The following MREG variants were observed in gnomAD, a reference collection of about 807,000 sequenced individuals.
MREG encodes melanoregulin.
In MREG, 31 loss-of-function variants were observed where a neutral mutation model predicts 28.5. That is an observed-to-expected ratio of 1.09 (90% CI 0.82 to 1.47). The LOEUF is 1.47. Among genes scored for constraint, MREG ranks in the 40% most tolerant of loss-of-function variants. The pLI is 0.00. For missense variants in MREG, 256 were observed against 257.4 expected, an observed-to-expected ratio of 0.99 and a Z score of 0.04; for synonymous variants, 106 against 95.2, an observed-to-expected ratio of 1.11 and a Z score of -0.66.
intron 1 of MREG, among the ~76,000 whole-genome samples, chr2:216,012,071 C>T (rs189213733): frequency 1.3e-3 from 199 of 152,166 alleles, no homozygotes; most frequent in Non-Finnish European, 2.4e-3. Flanking sequence ...TACCAAACAG[C>T]GAGGAGTAGA....
chr2:215,959,015 C>T (rs574243478), intron 2 of MREG, among the ~76,000 whole-genome samples: 11 of 152,242 alleles, frequency 7.2e-5, no homozygotes, highest in Non-Finnish European at 1.3e-4. Flanking sequence ...CTCTGGGATT[C>T]AGGATCTGCT....
At chr2:215,952,263 A>G (rs1006388183) in intron 2 of MREG, among the ~76,000 whole-genome samples, 1 of 152,204 alleles carries the variant, frequency 6.6e-6, no homozygotes, top group Non-Finnish European at 1.5e-5. Context: ...TAGTGTATAT[A>G]TGGTGACTAT....
At chr2:215,954,820 C>T (rs182273835) in intron 2 of MREG, among the ~76,000 whole-genome samples, 1 of 152,206 alleles carries the variant, frequency 6.6e-6, no homozygotes, top group Non-Finnish European at 1.5e-5. Flanking sequence ...TCTCCTGCCT[C>T]AGCCTCCTGA....
upstream of MREG, among the ~76,000 whole-genome samples, chr2:216,033,222 C>A (rs1219014514): frequency 6.6e-6 from 1 of 152,080 alleles, no homozygotes; most frequent in Non-Finnish European, 1.5e-5. Context: ...TTCACCAACC[C>A]CCCTTCCTCC....
rs541960204 is a variant in MREG at position 216,027,850 on chromosome 2, C to T, written c.-68+4939G>A. Among the ~76,000 whole-genome samples the T allele has an allele frequency of 1.2e-3, 184 of 148,384 alleles. 1 individual carries two copies. Among genetic ancestry groups the T allele is most frequent in the African/African-American group, 4.4e-3 (172 of 39,366 alleles). On this transcript the variant is annotated intron_variant, in intron 1 of 3. Transcript: ENST00000420348. ...TCCCCCACCCTCTGTGATAAAAAGT[C>T]ATTCACAAGTTGCATTGTTTTTCTG... is the stretch of plus-strand genomic sequence containing the variant.
intron 2 of MREG, among the ~76,000 whole-genome samples, chr2:215,954,053 G>C (rs2105972955): frequency 6.6e-6 from 1 of 152,268 alleles, no homozygotes; most frequent in East Asian, 1.9e-4. Context: ...CTTGTCTGTA[G>C]CCAGGGCTTA....
At chr2:216,008,932 G>T (rs1451694580) in intron 1 of MREG, among the ~76,000 whole-genome samples, 1 of 152,178 alleles carries the variant, frequency 6.6e-6, no homozygotes, top group African/African-American at 2.4e-5. Context: ...CAAGCGGCGT[G>T]ACTCAAACTA....
intron 1 of MREG, among the ~76,000 whole-genome samples, chr2:216,007,578 T>A (rs1694192999): frequency 6.6e-6 from 1 of 151,998 alleles, no homozygotes; most frequent in Non-Finnish European, 1.5e-5. Flanking sequence ...TACAGGCATG[T>A]GCCACCACGC....
intron 1 of MREG, among the ~76,000 whole-genome samples, chr2:215,996,982 T>C: frequency 6.6e-6 from 1 of 152,156 alleles, no homozygotes; most frequent in East Asian, 1.9e-4. Flanking sequence ...GGTTTTGCCA[T>C]GTTGGTCAGG....
chr2:215,996,167 T>C (rs538567140), intron 2 of MREG, 139 bp downstream of exon 2: 1 of 863,566 alleles, frequency 1.2e-6, no homozygotes, highest in Non-Finnish European at 1.7e-6. Flanking sequence ...TGATAATATA[T>C]GCTGCTAAAA....
At chr2:215,986,982 T>C (rs1415255532) in intron 2 of MREG, among the ~76,000 whole-genome samples, 2 of 152,166 alleles carry the variant, frequency 1.3e-5, no homozygotes, top group Admixed American at 6.5e-5. Context: ...CAAATATATA[T>C]GGATGTCCAC....
At chr2:215,991,924 A>C (rs956419215) in intron 2 of MREG, among the ~76,000 whole-genome samples, 2 of 152,272 alleles carry the variant, frequency 1.3e-5, no homozygotes, top group Non-Finnish European at 2.9e-5. Flanking sequence ...AACCAAAAAA[A>C]GCCCAGGACC....
At chr2:215,975,008 T>TTATATATATATATTTA (rs1553550370) in intron 2 of MREG, among the ~76,000 whole-genome samples, 7 of 106,612 alleles carry the variant, frequency 6.6e-5, no homozygotes, top group African/African-American at 2.2e-4. Context: ...TTTATATGAA[T>TTATATATATATATTTA]TATATATATA....
chr2:215,950,359 C>A (rs1692451297), intron 2 of MREG, among the ~76,000 whole-genome samples: 1 of 152,164 alleles, frequency 6.6e-6, no homozygotes, highest in Non-Finnish European at 1.5e-5. Flanking sequence ...TCCTAAATAT[C>A]TACAATGAAT....
chr2:215,960,172 A>G (rs3770525), intron 2 of MREG, among the ~76,000 whole-genome samples: 145,014 of 152,238 alleles, frequency 0.95, 69,191 homozygotes, highest in African/African-American at 0.99. Context: ...AGCCAGGATG[A>G]TCTCGAACTC....
intron 2 of MREG, among the ~76,000 whole-genome samples, chr2:215,983,790 C>T (rs1693492453): frequency 1.3e-5 from 2 of 152,156 alleles, no homozygotes; most frequent in African/African-American, 4.8e-5. Flanking sequence ...CCATGTGGTT[C>T]CTGCTGATGA....
At chr2:216,031,691 G>GAAAGAAAGAGAAAGAAAGAA (rs1473248845) in intron 1 of MREG, among the ~76,000 whole-genome samples, 2 of 61,102 alleles carry the variant, frequency 3.3e-5, no homozygotes, top group African/African-American at 1.2e-4. Context: ...AAGAAAGAAA[G>GAAAGAAAGAGAAAGAAAGAA]AGAAAGAAAG....
intron 1 of MREG, among the ~76,000 whole-genome samples, chr2:216,024,951 GGGAAA>G (rs374725029): frequency 5.4e-4 from 57 of 105,242 alleles, no homozygotes; most frequent in East Asian, 2.0e-3. Context: ...GGGAAAGGAA[GGGAAA>G]GGAAAGGAAA....
intron 2 of MREG, among the ~76,000 whole-genome samples, chr2:215,972,675 G>T (rs1434977136): frequency 6.6e-6 from 1 of 150,960 alleles, no homozygotes; most frequent in Admixed American, 6.6e-5. Context: ...ATATGTTCAT[G>T]ACCTTGATTG....
Sources: gnomAD v4.1 joint callset for allele counts (sites outside exome capture counted in the v4.1 genomes callset) on GRCh38, gnomAD v4.1.1 for gene constraint, MANE v1.5 for transcripts, NCBI Gene and HGNC (gene_info 2026-07-23, HGNC 2026-07-21) for gene names.